Variants in ZNF423 observed in about 807,000 individuals in gnomAD.
ZNF423 encodes the protein zinc finger protein 423, also known as Ebf-associated zinc finger protein.
A neutral mutation model predicts 95.8 loss-of-function variants in ZNF423; 12 were observed. That is an observed-to-expected ratio of 0.13 (90% CI 0.08 to 0.20). The LOEUF is 0.20. Ranked by LOEUF, ZNF423 falls within the 10% of genes least tolerant of loss-of-function variation. The pLI, the probability that ZNF423 is intolerant of heterozygous loss-of-function variation, is 1.00. For missense variants in ZNF423, 1,316 were observed against 1,737.1 expected (o/e 0.76, Z 4.31); for synonymous variants, 749 against 711.9 (o/e 1.05, Z -0.83).
At chr16:49,653,580 A>G (rs1238387797) in intron 3 of ZNF423, among the ~76,000 whole-genome samples, 1 of 152,150 alleles carries the variant, frequency 6.6e-6, no homozygotes, top group Non-Finnish European at 1.5e-5. Context: ...AGAAGTGTTC[A>G]GTCATCCCCT....
intron 3 of ZNF423, among the ~76,000 whole-genome samples, chr16:49,719,243 T>C (rs548100358): frequency 8.5e-5 from 13 of 152,122 alleles, no homozygotes; most frequent in Admixed American, 5.9e-4. Context: ...GCCGGCCTAA[T>C]GAAAAAGCAG....
chr16:49,752,185 G>A (rs533153715), intron 2 of ZNF423, among the ~76,000 whole-genome samples: 52 of 152,354 alleles, frequency 3.4e-4, no homozygotes, highest in African/African-American at 1.1e-3. Context: ...TGCCCGTGAC[G>A]TGGCCCAGGA....
At chr16:49,717,012 C>T (rs2032727997) in intron 3 of ZNF423, among the ~76,000 whole-genome samples, 1 of 152,102 alleles carries the variant, frequency 6.6e-6, no homozygotes, top group Admixed American at 6.5e-5. Context: ...CATCTCTCAG[C>T]CCCAAGCCTG....
chr16:49,817,411 C>T (rs973493004), intron 1 of ZNF423, among the ~76,000 whole-genome samples: 2 of 152,224 alleles, frequency 1.3e-5, no homozygotes, highest in African/African-American at 4.8e-5. Flanking sequence ...TCTCTGGGCC[C>T]ATCCTGGGCT....
chr16:49,756,289 A>G (rs1567328776), intron 2 of ZNF423, among the ~76,000 whole-genome samples: 2 of 152,184 alleles, frequency 1.3e-5, no homozygotes. Context: ...GTGGCCCACC[A>G]CTATCTTAAT....
At chr16:49,726,400 G>A (rs563567083) in intron 3 of ZNF423, among the ~76,000 whole-genome samples, 51 of 152,160 alleles carry the variant, frequency 3.4e-4, no homozygotes, top group South Asian at 1.2e-3. Context: ...CAAACCTCTC[G>A]CACCTGCTTC....
chr16:49,547,370 C>A (rs1410505964), intron 5 of ZNF423, among the ~76,000 whole-genome samples: 1 of 152,116 alleles, frequency 6.6e-6, no homozygotes, highest in Admixed American at 6.5e-5. Flanking sequence ...TCCCACATAC[C>A]AAAAGACGAC....
Position 49,635,670 on chromosome 16 carries a change from G to A in ZNF423, c.3506C>T (p.Pro1169Leu). ...GTGGACTGCACTTACCCGGGGCACT[G>A]GCGATGTCTGGGTGCCTTTCCGGGG... is the stretch of plus-strand genomic sequence containing the variant. ...SGPRKGTQTS[P>L]VPRKKTYQCI... Residue 1169 changes from proline to leucine, a missense_variant, in exon 4 of 8, where the codon CCA becomes CTA. By Grantham distance (98) the Pro-to-Leu change is moderately conservative. Coordinates refer to ENST00000563137, the MANE Select transcript of ZNF423 (RefSeq NM_001379286.1). The surrounding 1 kb of genome is among the most constrained non-coding windows in gnomAD (Gnocchi z 4.8). The A allele has an allele frequency of 6.4e-7, 1 of 1,574,086 alleles. No homozygotes were observed. The highest frequency in any genetic ancestry group is 1.2e-5 in the South Asian group (1 of 83,832).
At position 49,730,862 on chromosome 16, in the gene ZNF423, C is replaced by T; in HGVS notation, c.210G>A (p.Glu70=). 6.2e-7 allele frequency: 1 copy of T among 1,614,156 alleles called. No individual in the cohort carries two copies. Among genetic ancestry groups the T allele is most frequent in the South Asian group, 1.1e-5 (1 of 91,074 alleles). The stretch of plus-strand genomic sequence containing the variant: ...GATCGCAGGTGTAAATTGATTCATC[C>T]TCCATGTCTTCATCATCCTCATTTC... ...EERNEDDEDM[E]DESIYTCDHC... is the part of the protein sequence containing the mutation. The change falls in exon 3 of 8, where the codon GAG becomes GAA. Residue 70 remains glutamate (E), a synonymous_variant. Coordinates refer to ENST00000563137, the MANE Select transcript of ZNF423 (RefSeq NM_001379286.1).
chr16:49,501,608 A>C (rs1397683507), intron 7 of ZNF423, among the ~76,000 whole-genome samples: 1 of 152,154 alleles, frequency 6.6e-6, no homozygotes, highest in Non-Finnish European at 1.5e-5. Flanking sequence ...GACAGTAGCG[A>C]AGACATGAAA....
intron 5 of ZNF423, among the ~76,000 whole-genome samples, chr16:49,585,274 G>A (rs1323775320): frequency 1.3e-5 from 2 of 152,144 alleles, no homozygotes; most frequent in Admixed American, 6.5e-5. Context: ...CAGATCAGGT[G>A]TGGGTGAGAA....
intron 3 of ZNF423, among the ~76,000 whole-genome samples, chr16:49,662,980 G>A (rs1484360588): frequency 6.6e-6 from 1 of 152,174 alleles, no homozygotes; most frequent in East Asian, 1.9e-4. Context: ...CTCACTGTAT[G>A]ATCTGACTCT....
At chr16:49,639,634 A>G (rs1414772452) in intron 3 of ZNF423, among the ~76,000 whole-genome samples, 6 of 152,178 alleles carry the variant, frequency 3.9e-5, no homozygotes, top group African/African-American at 9.6e-5. Context: ...AACCCCACCC[A>G]GGATCAAGAC....
At chr16:49,776,988 G>A (rs2034132215) in intron 2 of ZNF423, among the ~76,000 whole-genome samples, 1 of 152,254 alleles carries the variant, frequency 6.6e-6, no homozygotes, top group African/African-American at 2.4e-5. Flanking sequence ...GTATGCCTCT[G>A]TATGTGCATG....
At chr16:49,793,041 T>C (rs1567345511) in intron 1 of ZNF423, among the ~76,000 whole-genome samples, 1 of 152,164 alleles carries the variant, frequency 6.6e-6, no homozygotes, top group Non-Finnish European at 1.5e-5. Flanking sequence ...GCACTGGGGT[T>C]ACAGGCATGA....
chr16:49,672,916 C>G (rs900865074), intron 3 of ZNF423, among the ~76,000 whole-genome samples: 1 of 152,150 alleles, frequency 6.6e-6, no homozygotes, highest in East Asian at 1.9e-4. Context: ...CACAGCCTGC[C>G]CCACCACGCG....
intron 1 of ZNF423, among the ~76,000 whole-genome samples, chr16:49,793,704 C>A (rs2034451730): frequency 6.6e-6 from 1 of 152,042 alleles, no homozygotes; most frequent in Non-Finnish European, 1.5e-5. Flanking sequence ...AGAGAGGAGG[C>A]ATGGGGGCAA....
chr16:49,706,164 G>A (rs138164851), intron 3 of ZNF423, among the ~76,000 whole-genome samples: 3 of 152,226 alleles, frequency 2.0e-5, no homozygotes, highest in Non-Finnish European at 2.9e-5. Flanking sequence ...GGCCACCCTA[G>A]GAAAAAAAAT....
chr16:49,837,041 A>C (rs1469029591), intron 1 of ZNF423, among the ~76,000 whole-genome samples: 1 of 152,058 alleles, frequency 6.6e-6, no homozygotes. Flanking sequence ...GACACATTGG[A>C]GCAACTGTTT....
Sources: gnomAD v4.1 joint callset for allele counts (sites outside exome capture counted in the v4.1 genomes callset) on GRCh38, gnomAD v4.1.1 for gene constraint, Gnocchi (gnomAD v3.1) non-coding constraint, MANE v1.5 for transcripts, NCBI Gene and HGNC (gene_info 2026-07-23, HGNC 2026-07-21) for gene names.